The following ADTRP variants were observed in gnomAD, a reference collection of about 807,000 sequenced individuals.
The protein encoded by ADTRP is androgen dependent TFPI regulating protein, also known as androgen-dependent TFPI-regulating protein.
A neutral mutation model predicts 27.0 loss-of-function variants in ADTRP; 20 were observed. That is an observed-to-expected ratio of 0.74 (90% CI 0.52 to 1.08). The LOEUF is 1.08. Ranked by LOEUF, ADTRP falls within the 50% of genes least tolerant of loss-of-function variation. The pLI is 0.00. For synonymous variants in ADTRP, 101 were observed against 105.2 expected, an observed-to-expected ratio of 0.96 and a Z score of 0.25; for missense variants, 251 against 275.0, an observed-to-expected ratio of 0.91 and a Z score of 0.62.
rs1464218995 is a variant in ADTRP, at chr6:11,760,287, A to C, written c.390+5987T>G. Among the ~76,000 whole-genome samples, 3 of 152,290 alleles carry C rather than the reference A, an allele frequency of 2.0e-5. No individual in the cohort carries two copies. In the East Asian group the frequency reaches 5.8e-4, roughly 29 times the overall value. Reference sequence around the variant, plus strand: ...TCTCAAAACTGCCCTTGAACAGGTCACCAGCGAGTACGAAATTGCCAAGTC... The same window carrying C: ...TCTCAAAACTGCCCTTGAACAGGTCCCCAGCGAGTACGAAATTGCCAAGTC... On this transcript the variant is annotated intron_variant, in intron 3 of 5. Coordinates refer to ENST00000414691, the MANE Select transcript of ADTRP (RefSeq NM_032744.4).
intron 3 of ADTRP, among the ~76,000 whole-genome samples, chr6:11,748,560 G>A (rs2113278036): frequency 6.6e-6 from 1 of 152,208 alleles, no homozygotes; most frequent in Non-Finnish European, 1.5e-5. Flanking sequence ...AAGATTTCCT[G>A]TGAGCAAGTA....
At chr6:11,775,046 A>T (rs1333489631) in intron 1 of ADTRP, among the ~76,000 whole-genome samples, 1 of 152,162 alleles carries the variant, frequency 6.6e-6, no homozygotes, top group Non-Finnish European at 1.5e-5. Flanking sequence ...GCCTGCGGGC[A>T]GCTACAGCAG....
intron 4 of ADTRP, among the ~76,000 whole-genome samples, chr6:11,725,717 G>A (rs1762168274): frequency 6.6e-6 from 1 of 151,982 alleles, no homozygotes; most frequent in Middle Eastern, 3.2e-3. Flanking sequence ...GGCTAACATG[G>A]TGAAACCCCA....
chr6:11,732,418 A>C (rs1762417718), intron 4 of ADTRP, among the ~76,000 whole-genome samples: 1 of 152,118 alleles, frequency 6.6e-6, no homozygotes, highest in Admixed American at 6.5e-5. Context: ...ACTTCCCTAA[A>C]ACGTCTCCAT....
At chr6:11,767,321 A>G (rs1482823602) in intron 2 of ADTRP, among the ~76,000 whole-genome samples, 1 of 152,220 alleles carries the variant, frequency 6.6e-6, no homozygotes, top group Admixed American at 6.5e-5. Flanking sequence ...CAACAGAGTG[A>G]GACTTTATCT....
At chr6:11,747,311 C>T (rs1762896425) in intron 3 of ADTRP, among the ~76,000 whole-genome samples, 1 of 152,160 alleles carries the variant, frequency 6.6e-6, no homozygotes, top group South Asian at 2.1e-4. Flanking sequence ...CAATTTGTAC[C>T]AGGCGAGCTC....
At chr6:11,761,144 C>T (rs1581359567) in intron 3 of ADTRP, among the ~76,000 whole-genome samples, 1 of 152,314 alleles carries the variant, frequency 6.6e-6, no homozygotes, top group East Asian at 1.9e-4. Context: ...TGTCCTGTGG[C>T]TGTTTCCTTC....
At chr6:11,727,657 G>A (rs1048637748) in intron 4 of ADTRP, among the ~76,000 whole-genome samples, 1 of 152,134 alleles carries the variant, frequency 6.6e-6, no homozygotes, top group Non-Finnish European at 1.5e-5. Context: ...TCAGCATAAG[G>A]CTTGTAAAAG....
chr6:11,763,054 A>C (rs746628732), intron 3 of ADTRP, among the ~76,000 whole-genome samples: 1 of 152,254 alleles, frequency 6.6e-6, no homozygotes, highest in Non-Finnish European at 1.5e-5. Flanking sequence ...GCTTAGCACT[A>C]AAACAGTCAG....
At chr6:11,735,747 TTC>T (rs3830755) in intron 3 of ADTRP, 64 bp from the exon 4 acceptor site, 59,464 of 1,093,520 alleles carry the variant, frequency 0.054, 5,458 homozygotes, top group East Asian at 0.43. Context: ...GTGCCCATAA[TTC>T]TCTGTTCCCC....
chr6:11,721,672 C>T (rs548009958), intron 5 of ADTRP, among the ~76,000 whole-genome samples: 4 of 152,254 alleles, frequency 2.6e-5, no homozygotes, highest in East Asian at 3.9e-4. Context: ...CATTTACAAT[C>T]GTCTCTTTCT....
At chr6:11,735,167 G>A (rs970510527) in intron 4 of ADTRP, among the ~76,000 whole-genome samples, 1 of 152,196 alleles carries the variant, frequency 6.6e-6, no homozygotes, top group Non-Finnish European at 1.5e-5. Flanking sequence ...GACAAACCTA[G>A]CATGCTCTGC....
At chr6:11,732,049 A>G (rs1229884348) in intron 4 of ADTRP, among the ~76,000 whole-genome samples, 1 of 152,204 alleles carries the variant, frequency 6.6e-6, no homozygotes, top group Admixed American at 6.5e-5. Context: ...GTGAGCTACC[A>G]TATTTAAAGG....
chr6:11,741,102 G>A (rs1262836151), intron 3 of ADTRP, among the ~76,000 whole-genome samples: 1 of 152,176 alleles, frequency 6.6e-6, no homozygotes, highest in Non-Finnish European at 1.5e-5. Context: ...GGATTGGGGA[G>A]CGAAACCACC....
intron 5 of ADTRP, among the ~76,000 whole-genome samples, chr6:11,719,343 T>C (rs1187232177): frequency 6.6e-6 from 1 of 152,202 alleles, no homozygotes; most frequent in Non-Finnish European, 1.5e-5. Flanking sequence ...TTGATGAGCA[T>C]CAGAGGCCTA....
intron 5 of ADTRP, among the ~76,000 whole-genome samples, 194 bp from the exon 6 acceptor site, chr6:11,714,706 G>A (rs944514775): frequency 6.6e-6 from 1 of 152,212 alleles, no homozygotes; most frequent in Non-Finnish European, 1.5e-5. Flanking sequence ...CAACTCTGCC[G>A]TCCTCCCTCA....
At chr6:11,778,092 C>G (rs544182071) in intron 1 of ADTRP, among the ~76,000 whole-genome samples, 1 of 152,160 alleles carries the variant, frequency 6.6e-6, no homozygotes, top group African/African-American at 2.4e-5. Flanking sequence ...TAAGATGGAG[C>G]CTGAACCTAT....
chr6:11,774,619 T>C (rs917929673), intron 1 of ADTRP, among the ~76,000 whole-genome samples: 6 of 152,148 alleles, frequency 3.9e-5, no homozygotes, highest in South Asian at 4.2e-4. Context: ...GCTTCTGTTG[T>C]TGAAGGGGGT....
chr6:11,721,461 G>C (rs1762022488), intron 5 of ADTRP, among the ~76,000 whole-genome samples: 1 of 152,200 alleles, frequency 6.6e-6, no homozygotes, highest in African/African-American at 2.4e-5. Flanking sequence ...TTAGCTTTCA[G>C]CAATGTAAAA....
Sources: gnomAD v4.1 joint callset for allele counts (sites outside exome capture counted in the v4.1 genomes callset) on GRCh38, gnomAD v4.1.1 for gene constraint, MANE v1.5 for transcripts, NCBI Gene and HGNC (gene_info 2026-07-23, HGNC 2026-07-21) for gene names.